PDGFA: variants seen among roughly 807,000 people sequenced by gnomAD.
PDGFA encodes platelet derived growth factor subunit A.
PDGFA carries 9 observed loss-of-function variants against 25.6 expected under a neutral mutation model. The observed-to-expected ratio is 0.35, with a 90% CI of 0.21 to 0.61. The LOEUF (loss-of-function observed/expected upper bound fraction) is 0.61. Among genes scored for constraint, PDGFA ranks in the 20% least tolerant of loss-of-function variants. PDGFA has a pLI of 0.75. For missense variants in PDGFA, 242 were observed against 272.8 expected (o/e 0.89, Z 0.79); for synonymous variants, 133 against 111.8 (o/e 1.19, Z -1.20).
intron 3 of PDGFA, 133 bp from the exon 4 acceptor site, chr7:511,129 A>G: frequency 1.4e-6 from 1 of 704,740 alleles, no homozygotes; most frequent in Non-Finnish European, 2.4e-6. Context: ...CCCAGGCAGC[A>G]GAGGCTGAGC....
intron 4 of PDGFA, among the ~76,000 whole-genome samples, chr7:505,716 G>A (rs976062448): frequency 2.0e-5 from 3 of 152,164 alleles, no homozygotes; most frequent in Admixed American, 2.0e-4. Context: ...CTTGCCCAGA[G>A]TCACACAGCG....
chr7:509,692 C>T (rs758909477), intron 4 of PDGFA, among the ~76,000 whole-genome samples: 1 of 152,136 alleles, frequency 6.6e-6, no homozygotes, highest in Non-Finnish European at 1.5e-5. Context: ...GATGGCAGAG[C>T]GAGAAGGTGT....
intron 4 of PDGFA, among the ~76,000 whole-genome samples, chr7:503,967 C>T (rs1015195784): frequency 1.3e-5 from 2 of 152,276 alleles, no homozygotes; most frequent in Middle Eastern, 3.4e-3. Flanking sequence ...TCCACACTCC[C>T]GCGGCAATCT....
chr7:510,747 AGGAGG>A, intron 4 of PDGFA, 57 bp downstream of exon 4: 7 of 380,510 alleles, frequency 1.8e-5, no homozygotes, highest in East Asian at 5.3e-5. Context: ...GGGAGAGGAG[AGGAGG>A]GGAGGGGAGA....
chr7:504,415 G>A (rs1583142541), intron 4 of PDGFA, among the ~76,000 whole-genome samples: 1 of 152,068 alleles, frequency 6.6e-6, no homozygotes, highest in African/African-American at 2.4e-5. Flanking sequence ...GTCAAGAACT[G>A]CCCAGGTAGT....
chr7:517,868 T>G lies in PDGFA; in HGVS notation c.64-378A>C, dbSNP rs1238129460. Among the ~76,000 whole-genome samples the G allele has an allele frequency of 6.6e-6, 1 of 151,888 alleles. No individual in the cohort carries two copies. Among genetic ancestry groups the G allele is most frequent in the Non-Finnish European group, 1.5e-5 (1 of 68,000 alleles). ...ATAGTGAGATCAACATCTAGAAAGATCAAGTTAAAATGCGTCACGGGTCGG... is the reference window on the plus strand; with the variant it reads ...ATAGTGAGATCAACATCTAGAAAGAGCAAGTTAAAATGCGTCACGGGTCGG... On this transcript the variant is annotated intron_variant, in intron 1 of 5. Transcript: ENST00000402802. This position sits in a 1 kb window ranked among gnomAD's most constrained non-coding sequence, Gnocchi z 7.4.
At chr7:511,314 A>G (rs1380199348) in intron 3 of PDGFA, among the ~76,000 whole-genome samples, 1 of 79,240 alleles carries the variant, frequency 1.3e-5, no homozygotes. Context: ...AACTTAGTCC[A>G]GGTGGGGCCA....
At position 512,332 on chromosome 7, in the gene PDGFA, C is replaced by A. The variant is rs750945014; in HGVS notation, c.265+19G>T. 1 of 1,602,274 alleles carries A rather than the reference C, an allele frequency of 6.2e-7. No individual in the cohort carries two copies. The highest frequency in any genetic ancestry group is 8.5e-7 in the Non-Finnish European group (1 of 1,173,424). Reference sequence around the variant, plus strand: ...CCTGACCCGGCCCTGCCCTGCCCATCGCGGCCTCCTGGACTCACCGATGCT... The same window carrying A: ...CCTGACCCGGCCCTGCCCTGCCCATAGCGGCCTCCTGGACTCACCGATGCT... On this transcript the variant is annotated intron_variant, in intron 3 of 5. Coordinates refer to ENST00000402802, the Ensembl canonical transcript of PDGFA.
intron 2 of PDGFA, chr7:512,831 G>C (rs150909339): frequency 0.063 from 23,396 of 371,510 alleles, 1,098 homozygotes; most frequent in Non-Finnish European, 0.087. Context: ...GCCTGAGGCC[G>C]CCCAGCTCCG....
intron 4 of PDGFA, among the ~76,000 whole-genome samples, chr7:505,069 G>A (rs938146617): frequency 5.9e-5 from 9 of 152,334 alleles, no homozygotes; most frequent in South Asian, 2.1e-4. Flanking sequence ...ATTCCGGGCC[G>A]TTCCGCCACC....
chr7:504,815 G>A (rs533499016), intron 4 of PDGFA, among the ~76,000 whole-genome samples: 1 of 152,320 alleles, frequency 6.6e-6, no homozygotes, highest in Non-Finnish European at 1.5e-5. Context: ...GAGACCGCAG[G>A]CCCGTCTGGC....
chr7:502,061 A>C (rs1239885485), intron 4 of PDGFA, among the ~76,000 whole-genome samples: 1 of 152,002 alleles, frequency 6.6e-6, no homozygotes, highest in African/African-American at 2.4e-5. Flanking sequence ...CCTGCCTCTA[A>C]AAACAATTTA....
At position 500,474 on chromosome 7, in the gene PDGFA, T is replaced by C. The variant is rs755198273; in HGVS notation, c.580+642A>G. 4 of 1,613,844 alleles carry C rather than the reference T, an allele frequency of 2.5e-6. No homozygotes were observed. In the African/African-American group the frequency reaches 5.3e-5, roughly 22 times the overall value. ...TGGGTTTTAACCTTTTTCTTTTCCG[T>C]TTTTTACCTGACTCCCTAGGCCTTC... On this transcript the variant is annotated intron_variant, in intron 5 of 5. Coordinates refer to ENST00000402802, the Ensembl canonical transcript of PDGFA. The surrounding 1 kb of genome is among the most constrained non-coding windows in gnomAD (Gnocchi z 5.0).
At chr7:518,124 G>A (rs1407282095) in intron 1 of PDGFA, among the ~76,000 whole-genome samples, 4 of 152,188 alleles carry the variant, frequency 2.6e-5, no homozygotes, top group African/African-American at 7.2e-5. Context: ...CGGCGGCCGG[G>A]AGAAGAAGCC....
intron 4 of PDGFA, among the ~76,000 whole-genome samples, chr7:502,513 G>A (rs1782389395): frequency 1.3e-5 from 2 of 152,194 alleles, no homozygotes; most frequent in African/African-American, 4.8e-5. Flanking sequence ...AGATGATCCA[G>A]GAGGAGCACA....
Position 512,468 on chromosome 7 carries a change from G to T in PDGFA, c.161-13C>A, listed in dbSNP as rs1486324704. 17 of 1,613,326 alleles carry T rather than the reference G, an allele frequency of 1.1e-5. No homozygotes were observed. In the South Asian group the frequency reaches 1.9e-4, roughly 18 times the overall value. On this transcript the variant is annotated splice_polypyrimidine_tract_variant and intron_variant, in intron 2 of 5. Transcript: ENST00000402802. ...GAATCCTCACTCCCTGCAGGCGGAA[G>T]GAGAACACCGTGAATGCCCCAGGCC...
Position 500,467 on chromosome 7 carries a change from T to C in PDGFA, c.580+649A>G. 1 of 1,614,078 alleles carries C rather than the reference T, an allele frequency of 6.2e-7. No homozygotes were observed. Among genetic ancestry groups the C allele is most frequent in the Non-Finnish European group, 8.5e-7 (1 of 1,180,016 alleles). On this transcript the variant is annotated intron_variant, in intron 5 of 5. Transcript: ENST00000402802. This position sits in a 1 kb window ranked among gnomAD's most constrained non-coding sequence, Gnocchi z 5.0. ...CTTTAGGTGGGTTTTAACCTTTTTC[T>C]TTTCCGTTTTTTACCTGACTCCCTA... is the stretch of plus-strand genomic sequence containing the variant.
At chr7:515,997 C>CA (rs1783072472) in intron 2 of PDGFA, among the ~76,000 whole-genome samples, 3 of 96,212 alleles carry the variant, frequency 3.1e-5, no homozygotes, top group Admixed American at 2.2e-4. Flanking sequence ...CTTCTGCTAG[C>CA]ACCCCCCCCC....
At chr7:516,256 A>G (rs1045525239) in intron 2 of PDGFA, among the ~76,000 whole-genome samples, 4 of 148,162 alleles carry the variant, frequency 2.7e-5, no homozygotes, top group African/African-American at 5.0e-5. Flanking sequence ...TCCTGGGTCA[A>G]GAAACTACAG....
Sources: allele counts gnomAD v4.1 joint callset (sites outside exome capture counted in the v4.1 genomes callset), GRCh38; gene constraint gnomAD v4.1.1; non-coding constraint Gnocchi (gnomAD v3.1); transcripts MANE v1.5; gene names NCBI Gene and HGNC (gene_info 2026-07-23, HGNC 2026-07-21).